Variants in AASS observed in about 807,000 individuals in gnomAD.
AASS encodes aminoadipate-semialdehyde synthase, also known as alpha-aminoadipic semialdehyde synthase, mitochondrial.
In AASS, 86 loss-of-function variants were observed where a neutral mutation model predicts 105.4. The observed-to-expected ratio is 0.82, with a 90% CI of 0.69 to 0.98. AASS has a LOEUF of 0.98. AASS is among the 50% of genes least tolerant of loss of function. The pLI is 0.00. For synonymous variants in AASS, 381 were observed against 394.8 expected (o/e 0.96, Z 0.41); for missense variants, 1,048 against 1,143.2 (o/e 0.92, Z 1.20).
At chr7:122,083,903 C>T (rs1466021059) in intron 19 of AASS, among the ~76,000 whole-genome samples, 1 of 152,064 alleles carries the variant, frequency 6.6e-6, no homozygotes, top group Non-Finnish European at 1.5e-5. Flanking sequence ...CTGGCATTGC[C>T]CAGGATGGTG....
At position 122,086,274 on chromosome 7, in the gene AASS, TG is replaced by T. The variant is rs1242125018; in HGVS notation, c.2017-96del. 1.0e-5 allele frequency: 13 copies of T among 1,243,246 alleles called. No individual in the cohort carries two copies. The African/African-American group carries it at 1.4e-4, about 13-fold the overall frequency. 77.0% of individuals were successfully genotyped at this position (1,243,246 alleles called of 1,614,324 possible). ...ACGAACAAAGAAAGCAACAGAAATT[TG>T]AAAAAAAAAATAAAAATAATGAAAC... On this transcript the variant is annotated intron_variant, in intron 18 of 23. Transcript: ENST00000417368.
chr7:122,085,273 T>C (rs1793566018), intron 19 of AASS, among the ~76,000 whole-genome samples: 1 of 152,204 alleles, frequency 6.6e-6, no homozygotes, highest in Non-Finnish European at 1.5e-5. Context: ...CCCTATTGTT[T>C]CAAGCTACCC....
chr7:122,143,919 G>T (rs1796515179), intron 1 of AASS, among the ~76,000 whole-genome samples: 1 of 152,150 alleles, frequency 6.6e-6, no homozygotes, highest in Admixed American at 6.5e-5. Flanking sequence ...TCCCTTCCTC[G>T]CAGTGAAACT....
intron 15 of AASS, among the ~76,000 whole-genome samples, chr7:122,097,929 A>G (rs111873056): frequency 0.014 from 2,080 of 152,166 alleles, 24 homozygotes; most frequent in Non-Finnish European, 0.023. Context: ...GCCAAAATCC[A>G]GAAACAACCT....
intron 3 of AASS, 34 bp downstream of exon 3, chr7:122,129,327 A>G: frequency 7.3e-7 from 1 of 1,368,990 alleles, no homozygotes; most frequent in Non-Finnish European, 9.8e-7. Flanking sequence ...TTATTTTTCT[A>G]CATTAATATT....
At chr7:122,119,119 T>C (rs548925403) in intron 4 of AASS, among the ~76,000 whole-genome samples, 7 of 152,204 alleles carry the variant, frequency 4.6e-5, no homozygotes, top group African/African-American at 1.4e-4. Flanking sequence ...AGTGAACACA[T>C]TGTAGATCAG....
Position 122,074,103 on chromosome 7 carries a change from A to T in AASS, c.*2386T>A, listed in dbSNP as rs1388773223. 1.3e-5 allele frequency among the ~76,000 whole-genome samples: 2 copies of T among 152,066 alleles called. No individual in the cohort carries two copies. The highest frequency in any genetic ancestry group is 2.9e-5 in the Non-Finnish European group (2 of 68,022). ...TCACGTGGGTATCCACCAACAGTGC[A>T]TGAGGGTTCCAATTTCTCTGCATCC... is the stretch of plus-strand genomic sequence containing the variant. On this transcript the variant is annotated 3_prime_UTR_variant, in exon 24 of 24. Coordinates refer to ENST00000417368, the MANE Select transcript of AASS (RefSeq NM_005763.4).
intron 22 of AASS, among the ~76,000 whole-genome samples, 182 bp downstream of exon 22, chr7:122,078,680 G>C (rs919479763): frequency 6.6e-6 from 1 of 152,030 alleles, no homozygotes; most frequent in Non-Finnish European, 1.5e-5. Context: ...TAATAACTAA[G>C]TTTATTTTTA....
chr7:122,081,440 G>T, intron 20 of AASS, 60 bp downstream of exon 20: 1 of 1,313,504 alleles, frequency 7.6e-7, no homozygotes, highest in Non-Finnish European at 1.1e-6. Context: ...GTTCACCCCC[G>T]ACCATTTCAG....
In AASS at chr7:122,091,809, G is replaced by C; in HGVS notation, c.1910C>G (p.Pro637Arg). The C allele has an allele frequency of 6.2e-7, 1 of 1,612,456 alleles. No individual in the cohort carries two copies. Among genetic ancestry groups the C allele is most frequent in the Non-Finnish European group, 8.5e-7 (1 of 1,178,876 alleles). The stretch of plus-strand genomic sequence containing the variant: ...TGGATTGTTTGAATGTTCAGGGGCT[G>C]GAAGCCCACCACAGTAGGAAATATA... ...ESYISYCGGL[P>R]APEHSNNPLR... is the part of the protein sequence containing the mutation. Residue 637 changes from proline to arginine, a missense_variant, in exon 18 of 24, where the codon CCA becomes CGA. Pro to Arg is a moderately radical substitution (Grantham distance 103). Coordinates refer to ENST00000417368, the MANE Select transcript of AASS (RefSeq NM_005763.4).
At chr7:122,134,645 C>G (rs1453834490) in intron 1 of AASS, among the ~76,000 whole-genome samples, 3 of 152,180 alleles carry the variant, frequency 2.0e-5, no homozygotes. Flanking sequence ...TATTGGTCCT[C>G]AACAGATTGG....
At chr7:122,086,319 A>G in intron 18 of AASS, 140 bp from the exon 19 acceptor site, 1 of 808,198 alleles carries the variant, frequency 1.2e-6, no homozygotes, top group South Asian at 1.6e-5. Context: ...TCATCATCCT[A>G]TACTTAAGCT....
chr7:122,097,756 C>G lies in AASS; in HGVS notation c.1655+694G>C, dbSNP rs114497635. ...CTTATTCCATTTAAGCTTTATAACT[C>G]CAAAGGATAAAATAGACACTTAAGT... On this transcript the variant is annotated intron_variant, in intron 15 of 23. Transcript: ENST00000417368. Among the ~76,000 whole-genome samples the G allele has an allele frequency of 2.8e-3, 423 of 152,022 alleles. 1 individual carries two copies. Among genetic ancestry groups the G allele is most frequent in the African/African-American group, 9.7e-3 (402 of 41,514 alleles).
intron 4 of AASS, among the ~76,000 whole-genome samples, chr7:122,120,102 A>G (rs372275457): frequency 6.6e-6 from 1 of 152,094 alleles, no homozygotes. Flanking sequence ...ATAGTCTTTT[A>G]TTGTTGAAGA....
intron 4 of AASS, among the ~76,000 whole-genome samples, chr7:122,121,376 C>T (rs1584881026): frequency 6.6e-6 from 1 of 152,050 alleles, no homozygotes; most frequent in South Asian, 2.1e-4. Flanking sequence ...TCATTTGAAA[C>T]TATCAATTAT....
intron 2 of AASS, among the ~76,000 whole-genome samples, chr7:122,132,649 T>C (rs1020804911): frequency 1.3e-5 from 2 of 152,158 alleles, no homozygotes; most frequent in Non-Finnish European, 2.9e-5. Flanking sequence ...GAAGAACATA[T>C]ATCACTTATG....
At chr7:122,079,402 A>C in intron 21 of AASS, 195 bp downstream of exon 21, 1 of 1,305,900 alleles carries the variant, frequency 7.7e-7, no homozygotes, top group Non-Finnish European at 1.0e-6. Flanking sequence ...CATTTCTCAA[A>C]TTCTAATTGC....
chr7:122,113,739 C>A lies in AASS; in HGVS notation c.1044-19G>T, dbSNP rs755092435. Reference sequence around the variant, plus strand: ...CACGAGTCTGAAAATAACATCAATACTTAGATGAGAGGATGAAATTCTGAA... The same window carrying A: ...CACGAGTCTGAAAATAACATCAATAATTAGATGAGAGGATGAAATTCTGAA... On this transcript the variant is annotated intron_variant, in intron 9 of 23. Coordinates refer to ENST00000417368, the MANE Select transcript of AASS (RefSeq NM_005763.4). The A allele has an allele frequency of 1.4e-5, 22 of 1,610,474 alleles. No homozygotes were observed. The highest frequency in any genetic ancestry group is 1.6e-5 in the Non-Finnish European group (19 of 1,179,636).
At chr7:122,125,617 A>G (rs959197828) in intron 4 of AASS, among the ~76,000 whole-genome samples, 1 of 152,214 alleles carries the variant, frequency 6.6e-6, no homozygotes, top group Non-Finnish European at 1.5e-5. Flanking sequence ...AGGCAAAGGT[A>G]GAGGAGAACA....
Sources: allele counts gnomAD v4.1 joint callset (sites outside exome capture counted in the v4.1 genomes callset), GRCh38; gene constraint gnomAD v4.1.1; transcripts MANE v1.5; gene names NCBI Gene and HGNC (gene_info 2026-07-23, HGNC 2026-07-21).